The following TBC1D22B variants were observed in gnomAD, a reference collection of about 807,000 sequenced individuals.
The protein encoded by TBC1D22B is TBC1 domain family member 22B.
TBC1D22B carries 32 observed loss-of-function variants against 69.1 expected under a neutral mutation model. That is an observed-to-expected ratio of 0.46 (90% CI 0.35 to 0.62). The LOEUF (loss-of-function observed/expected upper bound fraction) is 0.62. Ranked by LOEUF, TBC1D22B falls within the 20% of genes least tolerant of loss-of-function variation. The pLI, the probability that TBC1D22B is intolerant of heterozygous loss-of-function variation, is 0.00. For missense variants in TBC1D22B, 462 were observed against 630.9 expected (o/e 0.73, Z 2.87); for synonymous variants, 206 against 229.8 (o/e 0.90, Z 0.94).
chr6:37,326,697 A>G (rs1237813385), intron 12 of TBC1D22B, among the ~76,000 whole-genome samples: 1 of 152,112 alleles, frequency 6.6e-6, no homozygotes, highest in Non-Finnish European at 1.5e-5. Flanking sequence ...CTGAGGCAGT[A>G]GAATTGCTTG....
chr6:37,270,056 T>C (rs1412953902), intron 2 of TBC1D22B, among the ~76,000 whole-genome samples: 1 of 152,220 alleles, frequency 6.6e-6, no homozygotes, highest in African/African-American at 2.4e-5. Context: ...ACTTTTACTA[T>C]GAGAACTAGG....
chr6:37,330,033 T>G (rs1018646001), intron 12 of TBC1D22B, among the ~76,000 whole-genome samples: 9 of 152,160 alleles, frequency 5.9e-5, no homozygotes, highest in Non-Finnish European at 1.3e-4. Context: ...TCGGATCAGC[T>G]AGGAGCAGGG....
chr6:37,289,630 G>A (rs748719733), intron 7 of TBC1D22B, among the ~76,000 whole-genome samples: 1 of 152,200 alleles, frequency 6.6e-6, no homozygotes, highest in South Asian at 2.1e-4. Flanking sequence ...TAGAGTAGAA[G>A]CCCTTCTAAG....
At chr6:37,262,641 C>A (rs776432892) in intron 1 of TBC1D22B, among the ~76,000 whole-genome samples, 13 of 152,174 alleles carry the variant, frequency 8.5e-5, no homozygotes, top group Non-Finnish European at 1.8e-4. Flanking sequence ...TTGTTCTTGG[C>A]TTGGAGATGT....
At chr6:37,312,120 T>G (rs1254224028) in intron 8 of TBC1D22B, among the ~76,000 whole-genome samples, 3 of 152,214 alleles carry the variant, frequency 2.0e-5, no homozygotes, top group Non-Finnish European at 4.4e-5. Flanking sequence ...CGTGGCTAGA[T>G]AAACTTGGGA....
intron 12 of TBC1D22B, among the ~76,000 whole-genome samples, chr6:37,323,166 G>A (rs1768299010): frequency 6.6e-6 from 1 of 152,138 alleles, no homozygotes; most frequent in African/African-American, 2.4e-5. Flanking sequence ...GCCTCAGAGG[G>A]CTCAGGATGG....
intron 12 of TBC1D22B, among the ~76,000 whole-genome samples, chr6:37,323,001 T>C (rs1768294104): frequency 6.6e-6 from 1 of 152,162 alleles, no homozygotes; most frequent in South Asian, 2.1e-4. Context: ...AATATTTCTA[T>C]GAAGAGCGTG....
intron 12 of TBC1D22B, among the ~76,000 whole-genome samples, chr6:37,327,699 A>G (rs1053827639): frequency 5.9e-5 from 9 of 152,136 alleles, no homozygotes; most frequent in Non-Finnish European, 1.2e-4. Flanking sequence ...GTGAATATCA[A>G]TAACTGGTTG....
chr6:37,279,608 T>C lies in TBC1D22B; in HGVS notation c.418T>C (p.Ser140Pro), dbSNP rs1766764369. ...SSSDAQLSRNSSDTCLRNPLH... is the reference protein window; with the variant it reads ...SSSDAQLSRNPSDTCLRNPLH... Reference sequence around the variant, plus strand: ...CAGTGATGCCCAGCTGTCCAGAAACTCTAGTAAGTCCTTCCTGCTCCCTTC... The same window carrying C: ...CAGTGATGCCCAGCTGTCCAGAAACCCTAGTAAGTCCTTCCTGCTCCCTTC... Residue 140 changes from serine to proline, a missense_variant, in exon 3 of 13, where the codon TCT (serine) becomes CCT (proline). Ser to Pro is a moderately conservative substitution (Grantham distance 74, BLOSUM62 -1). This residue lies in a region of TBC1D22B where 237 missense variants were observed against 255.4 expected (regional missense o/e 0.93). Coordinates refer to ENST00000373491, the MANE Select transcript of TBC1D22B (RefSeq NM_017772.4). The C allele has an allele frequency of 6.2e-7, 1 of 1,607,686 alleles. No individual in the cohort carries two copies. Among genetic ancestry groups the C allele is most frequent in the Non-Finnish European group, 8.5e-7 (1 of 1,176,184 alleles).
intron 5 of TBC1D22B, among the ~76,000 whole-genome samples, chr6:37,283,344 T>C (rs533548515): frequency 6.6e-6 from 1 of 152,326 alleles, no homozygotes; most frequent in South Asian, 2.1e-4. Context: ...TGGCCTCCCT[T>C]GGAAGCTTTA....
At position 37,327,477 on chromosome 6, in the gene TBC1D22B, CAAAAAAAAAAAAAAA is replaced by C. The variant is rs56160547; in HGVS notation, c.1390-3552_1390-3538del. On this transcript the variant is annotated intron_variant, in intron 12 of 12. Transcript: ENST00000373491. Reference sequence around the variant, plus strand: ...TGGGCGACAGAGCCAGACTCCGACTCAAAAAAAAAAAAAAAAAAAAAAAAAAAAATAAGTTGAGAT... The same window carrying C: ...TGGGCGACAGAGCCAGACTCCGACTCAAAAAAAAAAAAAATAAGTTGAGAT... Among the ~76,000 whole-genome samples the C allele has an allele frequency of 3.5e-4, 18 of 52,072 alleles. 3 individuals carry two copies. The highest frequency in any genetic ancestry group is 6.1e-4 in the South Asian group (1 of 1,640). The allele number at this position is 52,072 out of a possible 152,430, so 34.2% of individuals were successfully genotyped here. A position where few individuals can be genotyped will look rare whatever the true frequency, so the allele number is the denominator to read the frequency against.
chr6:37,303,243 T>C (rs1767618312), intron 8 of TBC1D22B, among the ~76,000 whole-genome samples: 1 of 152,174 alleles, frequency 6.6e-6, no homozygotes, highest in South Asian at 2.1e-4. Flanking sequence ...AGGCAATCTT[T>C]GCTATTCTTA....
chr6:37,289,758 C>T (rs563620086), intron 7 of TBC1D22B, among the ~76,000 whole-genome samples: 2 of 152,284 alleles, frequency 1.3e-5, no homozygotes, highest in Non-Finnish European at 2.9e-5. Flanking sequence ...TTCCTGAAAA[C>T]GATGGTTCTA....
intron 1 of TBC1D22B, among the ~76,000 whole-genome samples, chr6:37,266,277 C>G (rs942035455): frequency 2.0e-5 from 3 of 152,168 alleles, no homozygotes; most frequent in African/African-American, 7.2e-5. Flanking sequence ...CAAACTGCTG[C>G]TACCAGTGTC....
chr6:37,321,416 C>G (rs1044444680), intron 12 of TBC1D22B, among the ~76,000 whole-genome samples: 4 of 152,180 alleles, frequency 2.6e-5, no homozygotes, highest in Admixed American at 1.3e-4. Context: ...CATCTCTCCC[C>G]CTACATTGGA....
chr6:37,299,945 G>A (rs1767512066), intron 8 of TBC1D22B, among the ~76,000 whole-genome samples: 1 of 149,862 alleles, frequency 6.7e-6, no homozygotes, highest in Admixed American at 6.7e-5. Context: ...GGAGGCAGAG[G>A]TTGCAGTGAG....
Position 37,331,133 on chromosome 6 carries a change from G to T in TBC1D22B, c.1479G>T (p.Lys493Asn). ...GLLLAEAYRL[K>N]YMFADAPNHY... ...TTCTCGCCGAGGCATACAGACTCAA[G>T]TACATGTTTGCCGATGCCCCAAATC... Residue 493 changes from lysine (K) to asparagine (N), a missense_variant, in exon 13 of 13, where the codon AAG (lysine) becomes AAT (asparagine). By Grantham distance (94) the Lys-to-Asn change is moderately conservative. Around this residue, in one of 2 missense-constraint regions of TBC1D22B, gnomAD observed 225 missense variants for 375.4 expected, o/e 0.60. Coordinates refer to ENST00000373491, the MANE Select transcript of TBC1D22B (RefSeq NM_017772.4). 6.2e-7 allele frequency: 1 copy of T among 1,614,204 alleles called. No homozygotes were observed.
At chr6:37,260,091 T>G (rs1766028826) in intron 1 of TBC1D22B, among the ~76,000 whole-genome samples, 1 of 152,234 alleles carries the variant, frequency 6.6e-6, no homozygotes, top group South Asian at 2.1e-4. Context: ...AGCTGTGTGC[T>G]TTTAGCAGTG....
chr6:37,258,554 G>A (rs1027816957), intron 1 of TBC1D22B, among the ~76,000 whole-genome samples: 2 of 152,206 alleles, frequency 1.3e-5, no homozygotes, highest in Non-Finnish European at 2.9e-5. Context: ...CAGAATCAGG[G>A]TTATTCCTTT....
Sources: gnomAD v4.1 joint callset for allele counts (sites outside exome capture counted in the v4.1 genomes callset) on GRCh38, gnomAD v4.1.1 for gene constraint, gnomAD v4.1.1 regional missense constraint, MANE v1.5 for transcripts, NCBI Gene and HGNC (gene_info 2026-07-23, HGNC 2026-07-21) for gene names.